RBPJ: variants seen among roughly 807,000 people sequenced by gnomAD.
RBPJ encodes the protein recombining binding protein suppressor of hairless.
RBPJ carries 9 observed loss-of-function variants against 67.8 expected under a neutral mutation model. The ratio of observed to expected loss-of-function variants is 0.13; its 90% CI spans 0.08 to 0.23. The LOEUF (loss-of-function observed/expected upper bound fraction) is 0.23, where lower values mean the gene tolerates loss of function less well. Among genes scored for constraint, RBPJ ranks in the 10% least tolerant of loss-of-function variants. RBPJ has a pLI of 1.00. For missense variants in RBPJ, 305 were observed against 595.6 expected (o/e 0.51, Z 5.08); for synonymous variants, 198 against 203.3 (o/e 0.97, Z 0.22).
chr4:26,383,072 C>T (rs970041565), intron 1 of RBPJ, among the ~76,000 whole-genome samples: 6 of 152,062 alleles, frequency 3.9e-5, no homozygotes, highest in Non-Finnish European at 7.4e-5. Context: ...GATTTGTAGC[C>T]TTAGGATGGC....
chr4:26,333,606 C>A (rs1304317611), intron 1 of RBPJ, among the ~76,000 whole-genome samples: 1 of 151,908 alleles, frequency 6.6e-6, no homozygotes, highest in African/African-American at 2.4e-5. Context: ...CCCAGGCAGA[C>A]TTGGAAATTT....
chr4:26,338,459 C>G (rs1007383757), intron 1 of RBPJ, among the ~76,000 whole-genome samples: 1 of 150,268 alleles, frequency 6.7e-6, no homozygotes, highest in Non-Finnish European at 1.5e-5. Context: ...CGGCCTCTTA[C>G]ATGTATTTTT....
At chr4:26,135,390 A>T in the RBPJ span, among the ~76,000 whole-genome samples, 949 of 152,166 alleles carry the variant, frequency 6.2e-3, 4 homozygotes, top group Non-Finnish European at 9.7e-3. Flanking sequence ...AGGATGATTT[A>T]TGGCTACTTT....
At chr4:26,325,185 T>C (rs971802367) in intron 1 of RBPJ, among the ~76,000 whole-genome samples, 5 of 151,656 alleles carry the variant, frequency 3.3e-5, no homozygotes, top group Admixed American at 1.3e-4. Context: ...TCATTTTTCC[T>C]TCTAAAAAAT....
intron 1 of RBPJ, among the ~76,000 whole-genome samples, chr4:26,247,408 C>G (rs1477685504): frequency 6.8e-6 from 1 of 147,990 alleles, no homozygotes; most frequent in Non-Finnish European, 1.5e-5. Context: ...TTTCATAATA[C>G]TTTTTTTTTT....
At chr4:26,273,952 A>G (rs1174287126) in intron 1 of RBPJ, among the ~76,000 whole-genome samples, 1 of 151,990 alleles carries the variant, frequency 6.6e-6, no homozygotes, top group Admixed American at 6.6e-5. Context: ...GGTGTAGAGG[A>G]AAAAAAGTTT....
At chr4:26,270,331 G>A (rs1447358048) in intron 1 of RBPJ, among the ~76,000 whole-genome samples, 1 of 101,290 alleles carries the variant, frequency 9.9e-6, no homozygotes. Flanking sequence ...GGAGGAGAGG[G>A]GAGGGGAGGG....
chr4:26,429,737 T>C (rs1437986721), intron 8 of RBPJ, among the ~76,000 whole-genome samples, 161 bp from the exon 9 acceptor site: 8 of 152,168 alleles, frequency 5.3e-5, no homozygotes, highest in Admixed American at 5.2e-4. Context: ...TCTGTTTGTG[T>C]TTATGTAGGG....
the RBPJ span, among the ~76,000 whole-genome samples, chr4:26,147,982 AC>A: frequency 5.3e-5 from 8 of 152,210 alleles, no homozygotes; most frequent in African/African-American, 1.9e-4. Flanking sequence ...CCTTGAACTT[AC>A]TGAAACTCTG....
intron 1 of RBPJ, among the ~76,000 whole-genome samples, chr4:26,258,403 G>A (rs1399809521): frequency 7.9e-5 from 12 of 152,260 alleles, no homozygotes; most frequent in Non-Finnish European, 1.2e-4. Flanking sequence ...GTTTGGGTGC[G>A]TGAATAGATG....
At chr4:26,138,878 G>T in the RBPJ span, among the ~76,000 whole-genome samples, 78 of 152,364 alleles carry the variant, frequency 5.1e-4, no homozygotes, top group African/African-American at 1.7e-3. Flanking sequence ...GACTGGAGAA[G>T]AGCAAGGCTT....
Position 26,430,913 on chromosome 4 carries a change from C to T in RBPJ, c.1370C>T (p.Pro457Leu). 1 of 1,614,048 alleles carries T rather than the reference C, an allele frequency of 6.2e-7. No homozygotes were observed. Residue 457 changes from proline to leucine, a missense_variant, in exon 11 of 11, where the codon CCT becomes CTT. Coordinates refer to ENST00000355476, the MANE Select transcript of RBPJ (RefSeq NM_015874.6). This position sits in a 1 kb window ranked among gnomAD's most constrained non-coding sequence, Gnocchi z 4.1. ...ILRANSSQVP[P>L]NESNTNSEGS... ...CGAGCCAATTCAAGCCAGGTGCCCC[C>T]TAACGAATCAAACACAAACAGCGAG...
At chr4:26,429,782 G>A (rs1736030454) in intron 8 of RBPJ, 116 bp from the exon 9 acceptor site, 1 of 845,258 alleles carries the variant, frequency 1.2e-6, no homozygotes, top group African/African-American at 1.7e-5. Flanking sequence ...AAGTTTATAA[G>A]TTTTTACTGA....
At chr4:26,122,886 T>C in the RBPJ span, among the ~76,000 whole-genome samples, 3 of 152,152 alleles carry the variant, frequency 2.0e-5, no homozygotes, top group Non-Finnish European at 2.9e-5. Context: ...TAAAACTTTA[T>C]TTACAAAAGC....
intron 1 of RBPJ, among the ~76,000 whole-genome samples, chr4:26,295,267 T>G (rs183703642): frequency 3.8e-4 from 57 of 151,896 alleles, no homozygotes; most frequent in East Asian, 1.4e-3. Context: ...TGTGTGTGTG[T>G]GTGGGTGTGT....
At chr4:26,151,146 ACCTGGC>A in the RBPJ span, among the ~76,000 whole-genome samples, 1 of 152,174 alleles carries the variant, frequency 6.6e-6, no homozygotes, top group Non-Finnish European at 1.5e-5. Context: ...CAGGCAGCCC[ACCTGGC>A]CTTTGATCCC....
intron 1 of RBPJ, among the ~76,000 whole-genome samples, chr4:26,232,911 A>C (rs892387878): frequency 6.6e-6 from 1 of 152,222 alleles, no homozygotes; most frequent in Non-Finnish European, 1.5e-5. Context: ...TAATTTGACT[A>C]TTGTAATTTA....
intron 5 of RBPJ, among the ~76,000 whole-genome samples, chr4:26,423,699 C>T (rs764503325): frequency 1.3e-5 from 2 of 152,196 alleles, no homozygotes; most frequent in African/African-American, 2.4e-5. Flanking sequence ...TGGCAGAGAA[C>T]ATATTTCACT....
At chr4:26,330,084 A>G (rs1724075062) in intron 1 of RBPJ, among the ~76,000 whole-genome samples, 1 of 152,320 alleles carries the variant, frequency 6.6e-6, no homozygotes, top group African/African-American at 2.4e-5. Flanking sequence ...CAGAAAAGGG[A>G]AAGTTCTGAG....
Sources: allele counts gnomAD v4.1 joint callset (sites outside exome capture counted in the v4.1 genomes callset), GRCh38; gene constraint gnomAD v4.1.1; non-coding constraint Gnocchi (gnomAD v3.1); transcripts MANE v1.5; gene names NCBI Gene and HGNC (gene_info 2026-07-23, HGNC 2026-07-21).